The following VOPP1 variants were observed in gnomAD, a reference collection of about 807,000 sequenced individuals.
VOPP1 encodes VOPP1 WW domain binding protein.
A neutral mutation model predicts 23.5 loss-of-function variants in VOPP1; 8 were observed. That is an observed-to-expected ratio of 0.34 (90% CI 0.20 to 0.61). The LOEUF is 0.61. Ranked by LOEUF, VOPP1 falls within the 20% of genes least tolerant of loss-of-function variation. The pLI, the probability that VOPP1 is intolerant of heterozygous loss-of-function variation, is 0.78. For missense variants in VOPP1, 174 were observed against 238.1 expected, an observed-to-expected ratio of 0.73 and a Z score of 1.77; for synonymous variants, 83 against 97.3, an observed-to-expected ratio of 0.85 and a Z score of 0.86.
At chr7:55,493,147 G>A (rs958042506) in intron 3 of VOPP1, 2 of 152,198 alleles carry the variant, frequency 1.3e-5, no homozygotes, top group Non-Finnish European at 2.9e-5. Flanking sequence ...TTCAGTAAAC[G>A]ACTGCAGAAT....
At chr7:55,553,420 A>G (rs1227367161) in intron 1 of VOPP1, among the ~76,000 whole-genome samples, 4 of 152,158 alleles carry the variant, frequency 2.6e-5, no homozygotes, top group Non-Finnish European at 5.9e-5. Flanking sequence ...CTGTTTTCCC[A>G]TGTTGCAGAC....
intron 1 of VOPP1, among the ~76,000 whole-genome samples, chr7:55,540,444 A>AATAAATAAATAT (rs1278816931): frequency 1.4e-5 from 2 of 141,632 alleles, no homozygotes; most frequent in African/African-American, 5.2e-5. Flanking sequence ...TAAATAAATA[A>AATAAATAAATAT]AAATAAATGA....
intron 1 of VOPP1, among the ~76,000 whole-genome samples, chr7:55,565,166 T>C (rs982980258): frequency 3.3e-5 from 5 of 152,322 alleles, no homozygotes; most frequent in African/African-American, 1.2e-4. Context: ...AAGGTCACTG[T>C]TTGCCAATTA....
At chr7:55,457,495 A>G (rs542627833) in intron 4 of VOPP1, among the ~76,000 whole-genome samples, 2 of 152,158 alleles carry the variant, frequency 1.3e-5, no homozygotes, top group East Asian at 3.9e-4. Context: ...GTGGGGATTT[A>G]GTAGTCTGAT....
intron 4 of VOPP1, among the ~76,000 whole-genome samples, chr7:55,446,821 T>C (rs896780086): frequency 2.0e-5 from 3 of 152,216 alleles, no homozygotes; most frequent in African/African-American, 7.2e-5. Flanking sequence ...CACAACCATC[T>C]CATAAGGAGG....
intron 1 of VOPP1, among the ~76,000 whole-genome samples, chr7:55,547,422 G>A (rs1224380693): frequency 6.6e-6 from 1 of 152,226 alleles, no homozygotes; most frequent in Non-Finnish European, 1.5e-5. Flanking sequence ...CTAATTAACA[G>A]TGACATGTAA....
chr7:55,551,362 T>C (rs908159917), intron 1 of VOPP1, among the ~76,000 whole-genome samples: 6 of 152,214 alleles, frequency 3.9e-5, no homozygotes, highest in Non-Finnish European at 8.8e-5. Flanking sequence ...GTGCACACCG[T>C]ACACCTGTGC....
intron 3 of VOPP1, 79 bp from the exon 4 acceptor site, chr7:55,492,497 T>C (rs74389879): frequency 0.014 from 20,380 of 1,478,604 alleles, 168 homozygotes; most frequent in Middle Eastern, 0.022. Context: ...AAAGGCCTCA[T>C]GCACTCCTCG....
intron 1 of VOPP1, chr7:55,552,908 A>G (rs948383193): frequency 6.2e-6 from 7 of 1,134,982 alleles, no homozygotes; most frequent in African/African-American, 4.7e-5. Context: ...AGAAAAAATT[A>G]TACGTGCTGC....
chr7:55,507,757 C>A (rs757173915), intron 2 of VOPP1, among the ~76,000 whole-genome samples: 1 of 152,154 alleles, frequency 6.6e-6, no homozygotes, highest in Non-Finnish European at 1.5e-5. Context: ...GTTTCCCTGA[C>A]GGGCAGGGAG....
chr7:55,489,350 C>T (rs916527741), intron 4 of VOPP1, among the ~76,000 whole-genome samples: 3 of 152,172 alleles, frequency 2.0e-5, no homozygotes, highest in East Asian at 1.9e-4. Context: ...AGAGAAGATG[C>T]GCTGGGACCA....
chr7:55,473,159 T>C, intron 4 of VOPP1, 114 bp from the exon 5 acceptor site: 1 of 1,442,416 alleles, frequency 6.9e-7, no homozygotes, highest in Non-Finnish European at 9.1e-7. Context: ...AGCGACAGTG[T>C]ATGAAGGACC....
At chr7:55,568,187 C>T (rs981450857) in intron 1 of VOPP1, among the ~76,000 whole-genome samples, 5 of 148,242 alleles carry the variant, frequency 3.4e-5, no homozygotes, top group South Asian at 2.1e-4. Context: ...TCACGCCATT[C>T]TCCAGGCTCA....
chr7:55,537,588 G>A, intron 1 of VOPP1: 2 of 1,535,948 alleles, frequency 1.3e-6, no homozygotes, highest in South Asian at 2.4e-5. Context: ...CCACGGTCCT[G>A]TCACTGCTGG....
At chr7:55,542,047 G>A (rs1427626990) in intron 1 of VOPP1, among the ~76,000 whole-genome samples, 2 of 152,190 alleles carry the variant, frequency 1.3e-5, no homozygotes, top group East Asian at 1.9e-4. Context: ...ATAGATGGGC[G>A]AGATGATGGC....
intron 1 of VOPP1, among the ~76,000 whole-genome samples, chr7:55,559,433 A>G (rs1392251200): frequency 6.6e-6 from 1 of 152,166 alleles, no homozygotes; most frequent in Non-Finnish European, 1.5e-5. Flanking sequence ...AGGCCACCAC[A>G]GTGGAAGGAC....
intron 1 of VOPP1, among the ~76,000 whole-genome samples, chr7:55,545,476 G>A (rs982552696): frequency 1.1e-4 from 16 of 152,318 alleles, no homozygotes; most frequent in South Asian, 4.1e-4. Context: ...ACTCAGAGGC[G>A]CAGCCAGGAG....
intron 1 of VOPP1, among the ~76,000 whole-genome samples, chr7:55,564,243 G>GTCTCTCTGTCTCTCTCTCTCTCTCTC (rs1554302407): frequency 5.6e-5 from 7 of 125,894 alleles, no homozygotes; most frequent in Non-Finnish European, 8.2e-5. Flanking sequence ...CTCTGTCTCT[G>GTCTCTCTGTCTCTCTCTCTCTCTCTC]TCTCTCTCTC....
intron 1 of VOPP1, chr7:55,521,442 T>C (rs146034212): frequency 2.6e-6 from 2 of 771,196 alleles, no homozygotes; most frequent in African/African-American, 3.6e-5. Flanking sequence ...TACTTCAGAT[T>C]ACAAAAGAAT....
Sources: gnomAD v4.1 joint callset for allele counts (sites outside exome capture counted in the v4.1 genomes callset) on GRCh38, gnomAD v4.1.1 for gene constraint, MANE v1.5 for transcripts, NCBI Gene and HGNC (gene_info 2026-07-23, HGNC 2026-07-21) for gene names.